The following MAGI2 variants were observed in gnomAD, a reference collection of about 807,000 sequenced individuals.
MAGI2 encodes membrane-associated guanylate kinase, WW and PDZ domain-containing protein 2.
MAGI2 carries 35 observed loss-of-function variants against 133.3 expected under a neutral mutation model. That is an observed-to-expected ratio of 0.26 (90% CI 0.20 to 0.35). The LOEUF (loss-of-function observed/expected upper bound fraction) is 0.35, where lower values mean the gene tolerates loss of function less well. Ranked by LOEUF, MAGI2 falls within the 10% of genes least tolerant of loss-of-function variation. The pLI is 1.00. For synonymous variants in MAGI2, 729 were observed against 710.6 expected (o/e 1.03, Z -0.41); for missense variants, 1,636 against 1,863.4 (o/e 0.88, Z 2.25).
At chr7:79,054,343 T>G (rs1375389267) in intron 1 of MAGI2, among the ~76,000 whole-genome samples, 1 of 152,112 alleles carries the variant, frequency 6.6e-6, no homozygotes, top group Non-Finnish European at 1.5e-5. Flanking sequence ...AAATATAAAT[T>G]TATAGCTCCA....
chr7:78,239,537 ATAAGGAAC>A (rs1790906986), intron 10 of MAGI2, among the ~76,000 whole-genome samples: 1 of 138,870 alleles, frequency 7.2e-6, no homozygotes, highest in Non-Finnish European at 1.7e-5. Flanking sequence ...TCTAAAATAT[ATAAGGAAC>A]TCAAATAACT....
chr7:78,034,138 G>A (rs763812326), intron 21 of MAGI2, among the ~76,000 whole-genome samples: 6 of 152,170 alleles, frequency 3.9e-5, no homozygotes, highest in Non-Finnish European at 5.9e-5. Flanking sequence ...AATGAATATC[G>A]AACATCTACT....
intron 3 of MAGI2, among the ~76,000 whole-genome samples, chr7:78,575,049 T>C (rs1303529903): frequency 6.6e-6 from 1 of 152,184 alleles, no homozygotes; most frequent in Non-Finnish European, 1.5e-5. Flanking sequence ...ATGTTTTTAA[T>C]TTCACTGAGT....
At chr7:78,587,377 G>A (rs924427049) in intron 3 of MAGI2, among the ~76,000 whole-genome samples, 3 of 152,026 alleles carry the variant, frequency 2.0e-5, no homozygotes, top group Non-Finnish European at 4.4e-5. Flanking sequence ...GAATCACAGA[G>A]CACTTACAGC....
intron 1 of MAGI2, among the ~76,000 whole-genome samples, chr7:79,429,136 C>T (rs550686310): frequency 1.2e-4 from 19 of 152,064 alleles, no homozygotes. Flanking sequence ...AAAAGTACTT[C>T]TCCACCTTTT....
At chr7:78,164,921 A>T (rs2150630116) in intron 15 of MAGI2, among the ~76,000 whole-genome samples, 1 of 152,138 alleles carries the variant, frequency 6.6e-6, no homozygotes, top group South Asian at 2.1e-4. Flanking sequence ...AATTAAAGCC[A>T]CTCTTCTCAT....
intron 9 of MAGI2, among the ~76,000 whole-genome samples, chr7:78,267,043 T>C (rs3915115): frequency 0.21 from 32,646 of 152,070 alleles, 3,711 homozygotes; most frequent in South Asian, 0.31. Flanking sequence ...GTCGGAGAAG[T>C]GCTCAACCCT....
intron 1 of MAGI2, among the ~76,000 whole-genome samples, chr7:79,284,842 T>A (rs920748444): frequency 6.6e-6 from 1 of 152,048 alleles, no homozygotes; most frequent in Non-Finnish European, 1.5e-5. Flanking sequence ...AGATAAAGGG[T>A]GCTATTTGTG....
At chr7:79,271,876 T>C (rs1264551422) in intron 1 of MAGI2, among the ~76,000 whole-genome samples, 1 of 151,962 alleles carries the variant, frequency 6.6e-6, no homozygotes, top group Non-Finnish European at 1.5e-5. Flanking sequence ...CCTCACAAAC[T>C]CTCCCCACCA....
chr7:78,380,840 T>C (rs1208744616), intron 6 of MAGI2, among the ~76,000 whole-genome samples: 2 of 152,178 alleles, frequency 1.3e-5, no homozygotes, highest in African/African-American at 2.4e-5. Context: ...AAATATCTCA[T>C]GTATCCCATA....
chr7:79,273,454 A>G (rs1835020860), intron 1 of MAGI2, among the ~76,000 whole-genome samples: 1 of 152,100 alleles, frequency 6.6e-6, no homozygotes, highest in Non-Finnish European at 1.5e-5. Flanking sequence ...AGAAGTATAT[A>G]AAGTTTCTCT....
chr7:78,056,706 A>C (rs1326158387), intron 21 of MAGI2, among the ~76,000 whole-genome samples: 1 of 152,180 alleles, frequency 6.6e-6, no homozygotes. Context: ...AGAACAGCTA[A>C]GGGATGCTGG....
intron 1 of MAGI2, among the ~76,000 whole-genome samples, chr7:79,165,516 T>C (rs1176212301): frequency 6.6e-6 from 1 of 152,066 alleles, no homozygotes; most frequent in Non-Finnish European, 1.5e-5. Flanking sequence ...GGAGCAAAGA[T>C]ATTTAGGACT....
intron 1 of MAGI2, among the ~76,000 whole-genome samples, chr7:79,040,028 T>C (rs1811509488): frequency 6.6e-6 from 1 of 151,964 alleles, no homozygotes; most frequent in Non-Finnish European, 1.5e-5. Context: ...TATGTTAATA[T>C]GATTAGGCTT....
intron 21 of MAGI2, 64 bp from the exon 22 acceptor site, chr7:78,020,040 G>C: frequency 1.4e-6 from 2 of 1,397,562 alleles, no homozygotes; most frequent in South Asian, 2.7e-5. Flanking sequence ...CCCTCTCTAC[G>C]CCGGGGACAG....
At chr7:79,051,131 C>T (rs1812634043) in intron 1 of MAGI2, among the ~76,000 whole-genome samples, 1 of 152,222 alleles carries the variant, frequency 6.6e-6, no homozygotes, top group African/African-American at 2.4e-5. Flanking sequence ...AGTCTACCCT[C>T]ACTCTAGATA....
intron 2 of MAGI2, among the ~76,000 whole-genome samples, chr7:78,916,248 T>A (rs1435018121): frequency 6.6e-6 from 1 of 152,090 alleles, no homozygotes; most frequent in Non-Finnish European, 1.5e-5. Context: ...ATGTGTATAA[T>A]GCTTCACACA....
At chr7:78,993,178 AT>A (rs1322715396) in intron 2 of MAGI2, among the ~76,000 whole-genome samples, 3 of 152,100 alleles carry the variant, frequency 2.0e-5, no homozygotes, top group Non-Finnish European at 4.4e-5. Flanking sequence ...GAAAAAATAC[AT>A]TTCTTAGTAG....
intron 1 of MAGI2, among the ~76,000 whole-genome samples, chr7:79,186,191 A>AAT (rs60719172): frequency 2.3e-3 from 261 of 111,546 alleles, no homozygotes; most frequent in South Asian, 5.3e-3. Context: ...TGCCTGGGAA[A>AAT]ATATATATAT....
Sources: allele counts gnomAD v4.1 joint callset (sites outside exome capture counted in the v4.1 genomes callset), GRCh38; gene constraint gnomAD v4.1.1; transcripts MANE v1.5; gene names NCBI Gene and HGNC (gene_info 2026-07-23, HGNC 2026-07-21).